THSD4: variants seen among roughly 807,000 people sequenced by gnomAD.
THSD4 encodes thrombospondin type-1 domain-containing protein 4.
THSD4 carries 69 observed loss-of-function variants against 119.0 expected under a neutral mutation model. The observed-to-expected ratio is 0.58, with a 90% CI of 0.48 to 0.71. The LOEUF is 0.71. Among genes scored for constraint, THSD4 ranks in the 30% least tolerant of loss-of-function variants. THSD4 has a pLI of 0.00. For missense variants in THSD4, 1,393 were observed against 1,391.1 expected, an observed-to-expected ratio of 1.00 and a Z score of -0.02; for synonymous variants, 524 against 540.4, an observed-to-expected ratio of 0.97 and a Z score of 0.42.
chr15:71,734,644 A>G (rs1360129584), intron 10 of THSD4, among the ~76,000 whole-genome samples: 1 of 151,970 alleles, frequency 6.6e-6, no homozygotes, highest in Non-Finnish European at 1.5e-5. Flanking sequence ...TGGACTATGA[A>G]CTCTAAGCAA....
intron 7 of THSD4, among the ~76,000 whole-genome samples, chr15:71,597,949 T>C (rs1028232271): frequency 3.9e-5 from 6 of 152,180 alleles, no homozygotes; most frequent in African/African-American, 1.4e-4. Flanking sequence ...AGACATTTAG[T>C]GGGCTCTTAC....
intron 7 of THSD4, among the ~76,000 whole-genome samples, chr15:71,623,465 C>T (rs770043122): frequency 3.9e-4 from 59 of 152,286 alleles, no homozygotes; most frequent in Admixed American, 2.3e-3. Context: ...TCTTGACCTA[C>T]GCCATCTGAT....
chr15:71,231,079 AG>A (rs959055468), intron 4 of THSD4, among the ~76,000 whole-genome samples: 1 of 152,190 alleles, frequency 6.6e-6, no homozygotes, highest in African/African-American at 2.4e-5. Flanking sequence ...ACACTGAATA[AG>A]GCACCTGAAG....
At chr15:71,541,688 A>G (rs543232951) in intron 7 of THSD4, among the ~76,000 whole-genome samples, 4 of 152,338 alleles carry the variant, frequency 2.6e-5, no homozygotes, top group East Asian at 3.9e-4. Flanking sequence ...AAATTATTCA[A>G]TTAGTCTCTA....
At chr15:71,534,511 T>G (rs368149057) in intron 7 of THSD4, among the ~76,000 whole-genome samples, 1 of 152,232 alleles carries the variant, frequency 6.6e-6, no homozygotes, top group East Asian at 1.9e-4. Flanking sequence ...ATTTTTATCA[T>G]TTCACTATTT....
At chr15:71,306,727 G>A (rs962060625) in intron 6 of THSD4, among the ~76,000 whole-genome samples, 1 of 152,168 alleles carries the variant, frequency 6.6e-6, no homozygotes, top group Admixed American at 6.5e-5. Context: ...ACAATGCATA[G>A]TGCAGAGTAT....
At chr15:71,709,000 C>T (rs1276266983) in intron 8 of THSD4, among the ~76,000 whole-genome samples, 1 of 152,146 alleles carries the variant, frequency 6.6e-6, no homozygotes, top group African/African-American at 2.4e-5. Context: ...CCTGGACTAC[C>T]GTGGACTGTG....
chr15:71,499,384 C>G (rs1053426485), intron 7 of THSD4, among the ~76,000 whole-genome samples: 2 of 151,992 alleles, frequency 1.3e-5, no homozygotes, highest in African/African-American at 4.8e-5. Flanking sequence ...CACATTTTTG[C>G]CATGCCACAT....
chr15:71,441,010 C>G (rs2047080328), intron 7 of THSD4, among the ~76,000 whole-genome samples: 1 of 152,094 alleles, frequency 6.6e-6, no homozygotes, highest in East Asian at 1.9e-4. Context: ...TGTATAAATT[C>G]ACTAGTCAGA....
intron 7 of THSD4, among the ~76,000 whole-genome samples, chr15:71,649,767 A>C (rs1251317815): frequency 6.6e-6 from 1 of 152,072 alleles, no homozygotes; most frequent in African/African-American, 2.4e-5. Context: ...ATCCATCTTG[A>C]GTTGATTTTT....
intron 6 of THSD4, among the ~76,000 whole-genome samples, chr15:71,344,412 G>A (rs2045627351): frequency 6.6e-6 from 1 of 152,060 alleles, no homozygotes; most frequent in South Asian, 2.1e-4. Flanking sequence ...AGATTCCAGG[G>A]TCAGGACTTG....
chr15:71,599,086 C>T (rs932112532), intron 7 of THSD4, among the ~76,000 whole-genome samples: 3 of 152,120 alleles, frequency 2.0e-5, no homozygotes, highest in Admixed American at 1.3e-4. Context: ...AAGGTAGGAC[C>T]ACTTGACAAA....
intron 7 of THSD4, among the ~76,000 whole-genome samples, chr15:71,525,998 A>G (rs2048512704): frequency 6.6e-6 from 1 of 152,226 alleles, no homozygotes; most frequent in South Asian, 2.1e-4. Flanking sequence ...AACCAAGGAA[A>G]TAAGAACCGA....
intron 7 of THSD4, among the ~76,000 whole-genome samples, chr15:71,516,503 C>T (rs1483293548): frequency 6.6e-6 from 1 of 152,192 alleles, no homozygotes; most frequent in Non-Finnish European, 1.5e-5. Flanking sequence ...AGTCCATAGT[C>T]ATAAATTCAA....
intron 6 of THSD4, among the ~76,000 whole-genome samples, chr15:71,263,158 CCT>C (rs1443813927): frequency 6.6e-6 from 1 of 151,880 alleles, no homozygotes; most frequent in Non-Finnish European, 1.5e-5. Flanking sequence ...GTGTTGTTCC[CCT>C]GTCTGTGTCC....
At chr15:71,591,987 G>A (rs1406440517) in intron 7 of THSD4, among the ~76,000 whole-genome samples, 2 of 152,170 alleles carry the variant, frequency 1.3e-5, no homozygotes, top group Non-Finnish European at 2.9e-5. Flanking sequence ...TCCCTATGAG[G>A]CAGATGTTAA....
At chr15:71,599,373 CCTGT>C (rs747024207) in intron 7 of THSD4, among the ~76,000 whole-genome samples, 3 of 152,098 alleles carry the variant, frequency 2.0e-5, no homozygotes, top group Admixed American at 6.5e-5. Flanking sequence ...GAGCCCACTT[CCTGT>C]CTAACTATTT....
At chr15:71,716,588 TTG>T (rs1311145556) in intron 8 of THSD4, among the ~76,000 whole-genome samples, 2 of 12,858 alleles carry the variant, frequency 1.6e-4, no homozygotes, top group African/African-American at 1.9e-4. Context: ...GTGTTGGTTT[TTG>T]TTTTTTTTTT....
intron 7 of THSD4, among the ~76,000 whole-genome samples, chr15:71,595,932 AGAGACATAGCACAGTTTTTCGCTG>A (rs2140882864): frequency 6.6e-6 from 1 of 152,348 alleles, no homozygotes; most frequent in South Asian, 2.1e-4. Flanking sequence ...GATTTGACTG[AGAGACATAGCACAGTTTTTCGCTG>A]GTGACCGTTT....
Sources: gnomAD v4.1 joint callset for allele counts (sites outside exome capture counted in the v4.1 genomes callset) on GRCh38, gnomAD v4.1.1 for gene constraint, MANE v1.5 for transcripts, NCBI Gene and HGNC (gene_info 2026-07-23, HGNC 2026-07-21) for gene names.